TSPAN19: variants seen among roughly 807,000 people sequenced by gnomAD.
TSPAN19 encodes the protein tetraspanin 19, also known as tetraspanin-19.
Under a neutral mutation model 35.1 loss-of-function variants are expected in TSPAN19, and 44 were observed. The observed-to-expected ratio is 1.25, with a 90% CI of 0.98 to 1.61. The LOEUF is 1.61. TSPAN19 is among the 40% of genes most tolerant of loss of function. The pLI, the probability that TSPAN19 is intolerant of heterozygous loss-of-function variation, is 0.00. For synonymous variants in TSPAN19, 79 were observed against 92.0 expected (o/e 0.86, Z 0.81); for missense variants, 290 against 280.0 (o/e 1.04, Z -0.26).
rs1368838195 is a variant in TSPAN19 at position 85,025,082 on chromosome 12, C to T, written c.265-1682G>A. Among the ~76,000 whole-genome samples the T allele has an allele frequency of 2.0e-5, 3 of 151,204 alleles. No homozygotes were observed. In the South Asian group the frequency reaches 6.2e-4, roughly 31 times the overall value. On this transcript the variant is annotated intron_variant, in intron 4 of 8. Transcript: ENST00000532498. ...GATTTTTAACTTCTACATGCAATATCTCACTTAATCTTATACTAATAAGGG... is the reference window on the plus strand; with the variant it reads ...GATTTTTAACTTCTACATGCAATATTTCACTTAATCTTATACTAATAAGGG...
chr12:85,030,167 G>T (rs1174393930), intron 1 of TSPAN19, among the ~76,000 whole-genome samples, 194 bp from the exon 2 acceptor site: 1 of 152,008 alleles, frequency 6.6e-6, no homozygotes, highest in African/African-American at 2.4e-5. Context: ...TTACTAGAGA[G>T]TATCTGTACT....
At chr12:85,034,272 G>A (rs1877813054) in intron 1 of TSPAN19, among the ~76,000 whole-genome samples, 1 of 152,086 alleles carries the variant, frequency 6.6e-6, no homozygotes, top group Admixed American at 6.6e-5. Flanking sequence ...ATGATATTAT[G>A]GGATATTTAA....
At chr12:85,029,818 T>G (rs979422766) in intron 2 of TSPAN19, 27 bp from the exon 3 acceptor site, 1 of 1,535,646 alleles carries the variant, frequency 6.5e-7, no homozygotes. Context: ...AATGCTTATT[T>G]TTTTGTAATT....
At chr12:85,035,672 T>A (rs1382270790) in intron 1 of TSPAN19, among the ~76,000 whole-genome samples, 1 of 93,986 alleles carries the variant, frequency 1.1e-5, no homozygotes, top group Non-Finnish European at 2.8e-5. Flanking sequence ...AAAATTAAAG[T>A]AAAAAATATG....
intron 4 of TSPAN19, among the ~76,000 whole-genome samples, chr12:85,027,394 T>A (rs1877466521): frequency 6.6e-6 from 1 of 152,106 alleles, no homozygotes; most frequent in Non-Finnish European, 1.5e-5. Context: ...CATCGTGCAA[T>A]ATACCCATGT....
chr12:85,032,352 T>C (rs1191451498), intron 1 of TSPAN19, among the ~76,000 whole-genome samples: 11 of 152,090 alleles, frequency 7.2e-5, no homozygotes, highest in Admixed American at 7.2e-4. Context: ...AATTTGGAAT[T>C]TTTAAAGCTG....
At chr12:85,025,077 AAT>A (rs1877330020) in intron 4 of TSPAN19, among the ~76,000 whole-genome samples, 1 of 152,086 alleles carries the variant, frequency 6.6e-6, no homozygotes, top group South Asian at 2.1e-4. Flanking sequence ...TTCTACATGC[AAT>A]ATCTCACTTA....
intron 1 of TSPAN19, among the ~76,000 whole-genome samples, chr12:85,033,577 A>T (rs1392436350): frequency 1.3e-5 from 2 of 152,164 alleles, no homozygotes; most frequent in African/African-American, 4.8e-5. Flanking sequence ...AACTTTGAAC[A>T]TTATCTCATA....
intron 1 of TSPAN19, among the ~76,000 whole-genome samples, chr12:85,033,851 A>G (rs1218973365): frequency 6.6e-6 from 1 of 152,166 alleles, no homozygotes; most frequent in Non-Finnish European, 1.5e-5. Context: ...TGAAAATTAG[A>G]TGAGATTATG....
Position 85,029,949 on chromosome 12 carries a change from T to C in TSPAN19, c.-3A>G, listed in dbSNP as rs200630592. The C allele has an allele frequency of 4.2e-6, 6 of 1,444,300 alleles. No homozygotes were observed. Among genetic ancestry groups the C allele is most frequent in the Middle Eastern group, 2.4e-4 (1 of 4,142 alleles). 89.5% of individuals were successfully genotyped at this position (1,444,300 alleles called of 1,614,324 possible). A position where few individuals can be genotyped will look rare whatever the true frequency, so the allele number is the denominator to read the frequency against. The stretch of plus-strand genomic sequence containing the variant: ...ATTGTTTTGTTATTTCTTAACATTC[T>C]TTTTCTTCCAAGATATTGATGATTC... On this transcript the variant is annotated 5_prime_UTR_variant, in exon 2 of 9. Transcript: ENST00000532498.
Position 85,014,387 on chromosome 12 carries a change from C to T in TSPAN19, c.*100G>A. ...CATATAATTAATAATTTGAATACAT[C>T]TGTTATTTAATACAATTCAAAACGT... is the stretch of plus-strand genomic sequence containing the variant. On this transcript the variant is annotated 3_prime_UTR_variant, in exon 9 of 9. Transcript: ENST00000532498. The T allele has an allele frequency of 1.4e-6, 1 of 717,240 alleles. No individual in the cohort carries two copies. The highest frequency in any genetic ancestry group is 2.3e-6 in the Non-Finnish European group (1 of 436,714). 44.4% of individuals were successfully genotyped at this position (717,240 alleles called of 1,614,324 possible). A position where few individuals can be genotyped will look rare whatever the true frequency, so the allele number is the denominator to read the frequency against.
At chr12:85,020,267 T>C (rs1226440831) in intron 5 of TSPAN19, among the ~76,000 whole-genome samples, 1 of 151,910 alleles carries the variant, frequency 6.6e-6, no homozygotes, top group Non-Finnish European at 1.5e-5. Flanking sequence ...GTATATTTAA[T>C]TCCTTCTCTC....
rs747629891 is a variant in TSPAN19, at chr12:85,014,516, T to C, written c.718A>G (p.Ile240Val). Reference sequence around the variant, plus strand: ...ATTTCTGCATGGATTATATTCTTGATGTTTTTGAAGAAACAAACTGTTAAT... The same window carrying C: ...ATTTCTGCATGGATTATATTCTTGACGTTTTTGAAGAAACAAACTGTTAAT... ...VSLTVCFFKN[I>V]KNIIHAEM Residue 240 changes from isoleucine (I) to valine (V), a missense_variant, in exon 9 of 9, where the codon ATC (isoleucine) becomes GTC (valine). Coordinates refer to ENST00000532498, the MANE Select transcript of TSPAN19 (RefSeq NM_001100917.2). 1.2e-6 allele frequency: 2 copies of C among 1,605,426 alleles called. No individual in the cohort carries two copies. Among genetic ancestry groups the C allele is most frequent in the East Asian group, 4.5e-5 (2 of 44,510 alleles).
At position 85,029,714 on chromosome 12, in the gene TSPAN19, C is replaced by A; in HGVS notation, c.139+5G>T. 6.5e-7 allele frequency: 1 copy of A among 1,530,778 alleles called. No homozygotes were observed. The highest frequency in any genetic ancestry group is 1.4e-5 in the African/African-American group (1 of 71,658). The allele number at this position is 1,530,778 out of a possible 1,614,324, so 94.8% of individuals were successfully genotyped here. On this transcript the variant is annotated splice_donor_5th_base_variant and intron_variant, in intron 3 of 8. Transcript: ENST00000532498. The stretch of plus-strand genomic sequence containing the variant: ...ACTGAGAGAAAAACAAAAATAGATA[C>A]ATACCAAAAGCTGTTAAAAAATTAT...
chr12:85,017,062 G>A (rs75690231), intron 7 of TSPAN19: 39,559 of 181,574 alleles, frequency 0.22, 4,792 homozygotes, highest in African/African-American at 0.3. Flanking sequence ...ATTCATCATT[G>A]CTGGGGTCCA....
intron 5 of TSPAN19, among the ~76,000 whole-genome samples, chr12:85,022,203 ACT>A (rs1446857086): frequency 6.6e-6 from 1 of 151,840 alleles, no homozygotes; most frequent in African/African-American, 2.4e-5. Context: ...TACCTTTAAA[ACT>A]CACACACACA....
At chr12:85,017,106 G>A (rs1876854415) in intron 7 of TSPAN19, 1 of 213,090 alleles carries the variant, frequency 4.7e-6, no homozygotes, top group Non-Finnish European at 9.2e-6. Flanking sequence ...TTTTACTCCT[G>A]GTGTTTTAGC....
At position 85,018,481 on chromosome 12, in the gene TSPAN19, TAGAC is replaced by T. The variant is rs556964715; in HGVS notation, c.451-886_451-883del. 4.0e-3 allele frequency among the ~76,000 whole-genome samples: 615 copies of T among 152,040 alleles called. 2 individuals carry two copies. Among genetic ancestry groups the T allele is most frequent in the African/African-American group, 0.014 (584 of 41,538 alleles). On this transcript the variant is annotated intron_variant, in intron 6 of 8. Transcript: ENST00000532498. ...AATTTCACTAATAGTAGTGATATGA[TAGAC>T]AGAATTGTTTCCTCATCATTTTCTG...
chr12:85,032,555 G>T (rs1457278019), intron 1 of TSPAN19, among the ~76,000 whole-genome samples: 1 of 152,082 alleles, frequency 6.6e-6, no homozygotes, highest in Non-Finnish European at 1.5e-5. Flanking sequence ...GTGGTTCAAG[G>T]TTACAAAGTT....
Sources: allele counts gnomAD v4.1 joint callset (sites outside exome capture counted in the v4.1 genomes callset), GRCh38; gene constraint gnomAD v4.1.1; transcripts MANE v1.5; gene names NCBI Gene and HGNC (gene_info 2026-07-23, HGNC 2026-07-21).